FAN1: variants seen among roughly 807,000 people sequenced by gnomAD.
The protein encoded by FAN1 is FANCD2 and FANCI associated nuclease 1.
A neutral mutation model predicts 104.9 loss-of-function variants in FAN1; 91 were observed. The ratio of observed to expected loss-of-function variants is 0.87; its 90% confidence interval spans 0.73 to 1.03. FAN1 has a LOEUF of 1.03. Among genes scored for constraint, FAN1 ranks in the 50% least tolerant of loss-of-function variants. FAN1 has a pLI of 0.00. For synonymous variants in FAN1, 478 were observed against 457.6 expected (o/e 1.04, Z -0.57); for missense variants, 1,263 against 1,239.9 (o/e 1.02, Z -0.28).
intron 14 of FAN1, chr15:30,940,938 G>A (rs1235099754): frequency 1.0e-5 from 11 of 1,083,434 alleles, no homozygotes; most frequent in African/African-American, 5.1e-5. Context: ...AGTGATCTAA[G>A]GTTCCAAAGA....
rs772709679 is a variant in FAN1, at chr15:30,941,733, C to G, written c.*171C>G. 2.5e-6 allele frequency: 4 copies of G among 1,613,950 alleles called. No individual in the cohort carries two copies. Among genetic ancestry groups the G allele is most frequent in the South Asian group, 2.2e-5 (2 of 91,070 alleles). ...TGTTGCCGCAGCATCCTGCTCAGTACGTCGACTTCATCAGCCAGGAGGGAG... is the reference window on the plus strand; with the variant it reads ...TGTTGCCGCAGCATCCTGCTCAGTAGGTCGACTTCATCAGCCAGGAGGGAG... On this transcript the variant is annotated 3_prime_UTR_variant, in exon 15 of 15. Coordinates refer to ENST00000362065, the MANE Select transcript of FAN1 (RefSeq NM_014967.5).
chr15:30,940,155 T>C, intron 14 of FAN1: 1 of 985,450 alleles, frequency 1.0e-6, no homozygotes, highest in South Asian at 4.7e-5. Context: ...TTTGAAAGTA[T>C]CCATGTTTTA....
chr15:30,912,139 A>G (rs1438236488), intron 4 of FAN1, among the ~76,000 whole-genome samples: 2 of 152,148 alleles, frequency 1.3e-5, no homozygotes, highest in Admixed American at 6.5e-5. Context: ...TAAGATGAAC[A>G]TATTTTATCT....
intron 4 of FAN1, chr15:30,911,208 G>T: frequency 1.0e-6 from 1 of 1,000,304 alleles, no homozygotes; most frequent in Non-Finnish European, 1.2e-6. Flanking sequence ...GTTTTCCTGA[G>T]TTTAAACGTA....
Position 30,922,241 on chromosome 15 carries a change from G to A in FAN1, c.2059G>A (p.Val687Ile), listed in dbSNP as rs771137282. 196 of 1,605,426 alleles carry A rather than the reference G, an allele frequency of 1.2e-4. No homozygotes were observed. The highest frequency in any genetic ancestry group is 3.3e-4 in the Middle Eastern group (2 of 6,028). Reference sequence around the variant, plus strand: ...TTTGTTATTGTTGCAATAGGAAGCCGTCAGAGAACTTGAAAGCCTTTTGTC... The same window carrying A: ...TTTGTTATTGTTGCAATAGGAAGCCATCAGAGAACTTGAAAGCCTTTTGTC... The part of the protein sequence containing the change: ...LQRLHMYEEA[V>I]RELESLLSQR... Residue 687 changes from valine to isoleucine, a missense_variant, in exon 8 of 15, where the codon GTC (valine) becomes ATC (isoleucine). Physicochemically the swap from Val to Ile is conservative, Grantham distance 29. Coordinates refer to ENST00000362065, the MANE Select transcript of FAN1 (RefSeq NM_014967.5).
chr15:30,926,244 A>G (rs979090680), intron 10 of FAN1, among the ~76,000 whole-genome samples: 1 of 152,198 alleles, frequency 6.6e-6, no homozygotes, highest in Non-Finnish European at 1.5e-5. Flanking sequence ...CCCCACGGAC[A>G]CCCACTTCCA....
chr15:30,910,882 A>T lies in FAN1; in HGVS notation c.1577+67A>T, dbSNP rs1334660530. ...GATAGCACATATTAACTTACAGTAG[A>T]TTGTATACTTGATTGAACTGTAATT... On this transcript the variant is annotated intron_variant, in intron 4 of 14. Transcript: ENST00000362065. 2.0e-6 allele frequency: 3 copies of T among 1,526,782 alleles called. No individual in the cohort carries two copies. The African/African-American group carries it at 4.1e-5, about 21-fold the overall frequency. 94.6% of individuals were successfully genotyped at this position (1,526,782 alleles called of 1,614,324 possible).
intron 8 of FAN1, among the ~76,000 whole-genome samples, chr15:30,924,320 C>T (rs907458445): frequency 2.0e-5 from 3 of 152,150 alleles, no homozygotes; most frequent in Non-Finnish European, 4.4e-5. Context: ...CTGTTTCAGT[C>T]CCTGGTTTCA....
chr15:30,925,789 G>A lies in FAN1; in HGVS notation c.2338G>A (p.Val780Met), dbSNP rs1225430195. 6 of 1,613,982 alleles carry A rather than the reference G, an allele frequency of 3.7e-6. No individual in the cohort carries two copies. Among genetic ancestry groups the A allele is most frequent in the African/African-American group, 2.7e-5 (2 of 74,952 alleles). Reference sequence around the variant, plus strand: ...AGATGTTATTCTGCTGCTGTTTCAGGTGACCATCACAGGCAGGCTGTGCCC... The same window carrying A: ...AGATGTTATTCTGCTGCTGTTTCAGATGACCATCACAGGCAGGCTGTGCCC... The part of the protein sequence containing the change: ...PEMAVQDVKH[V>M]TITGRLCPQR... Residue 780 changes from valine (V) to methionine (M), a missense_variant and splice_region_variant, in exon 10 of 15, where the codon GTG becomes ATG. Coordinates refer to ENST00000362065, the MANE Select transcript of FAN1 (RefSeq NM_014967.5).
intron 13 of FAN1, among the ~76,000 whole-genome samples, chr15:30,932,493 T>G (rs576580550): frequency 1.0e-3 from 154 of 152,244 alleles, no homozygotes; most frequent in Non-Finnish European, 1.8e-3. Flanking sequence ...GAATTAGTAT[T>G]ATTCCCTAAA....
intron 14 of FAN1, chr15:30,939,134 T>C (rs1015879534): frequency 1.5e-5 from 15 of 985,424 alleles, no homozygotes; most frequent in Non-Finnish European, 1.7e-5. Context: ...CAGATTTTGT[T>C]GACAAATGTG....
rs1220684357 is a variant in FAN1 at position 30,910,658 on chromosome 15, G to T, written c.1420G>T (p.Ala474Ser). 6.2e-7 allele frequency: 1 copy of T among 1,613,400 alleles called. No homozygotes were observed. Among genetic ancestry groups the T allele is most frequent in the Admixed American group, 1.7e-5 (1 of 59,940 alleles). The change falls in exon 4 of 15, where the codon GCT (alanine) becomes TCT (serine). Residue 474 changes from alanine to serine, a missense_variant. By Grantham distance (99) the Ala-to-Ser change is moderately conservative. Coordinates refer to ENST00000362065, the MANE Select transcript of FAN1 (RefSeq NM_014967.5). The stretch of plus-strand genomic sequence containing the variant: ...CTCTGAAGTGCTTGAACTCCTTTCT[G>T]CTCCTGAACTAAAATCCCTAGCCAA... ...ELSEVLELLSAPELKSLAKTF... is the reference protein window; with the variant it reads ...ELSEVLELLSSPELKSLAKTF...
rs201558469 is a variant in FAN1 at position 30,918,188 on chromosome 15, G to T, written c.1836G>T (p.Leu612=). ...LIRYAAATHM[L]SDISSAMANG... is the part of the protein sequence containing the mutation. ...GATATGCAGCAGCCACGCACATGCT[G>T]AGTGACATTTCTTCCGCAATGGCCA... The change falls in exon 6 of 15, where the codon CTG becomes CTT. Residue 612 remains leucine, a synonymous_variant. Transcript: ENST00000362065. 56 of 1,614,034 alleles carry T rather than the reference G, an allele frequency of 3.5e-5. No individual in the cohort carries two copies. The East Asian group carries it at 1.2e-3, about 35-fold the overall frequency.
rs772700881 is a variant in FAN1 at position 30,905,220 on chromosome 15, CCA to C, written c.560_561del (p.Thr187SerfsTer3). The C allele has an allele frequency of 4.4e-5, 71 of 1,613,730 alleles. No homozygotes were observed. The highest frequency in any genetic ancestry group is 5.7e-5 in the Non-Finnish European group (67 of 1,179,928). ...GGTTCTAGTCCACAGAGTTCCAAAT[CCA>C]CAGTTGTTAAGAGCCTGATTGATAA... On this transcript the variant is annotated frameshift_variant, in exon 2 of 15. Transcript: ENST00000362065. LOFTEE classifies it high-confidence loss of function.
Position 30,928,663 on chromosome 15 carries a change from C to T in FAN1, c.2592+7C>T, listed in dbSNP as rs1193456416. 8 of 1,613,838 alleles carry T rather than the reference C, an allele frequency of 5.0e-6. No individual in the cohort carries two copies. Among genetic ancestry groups the T allele is most frequent in the Non-Finnish European group, 6.8e-6 (8 of 1,179,838 alleles). On this transcript the variant is annotated splice_region_variant and intron_variant, in intron 11 of 14. Transcript: ENST00000362065. Reference sequence around the variant, plus strand: ...CTTCAGAAACGCCTGTCAGGTACTCCAGTGCCCCTGCCCCACGAGTAGGTC... The same window carrying T: ...CTTCAGAAACGCCTGTCAGGTACTCTAGTGCCCCTGCCCCACGAGTAGGTC...
chr15:30,929,314 G>A lies in FAN1; in HGVS notation c.2704G>A (p.Val902Met). The A allele has an allele frequency of 6.2e-7, 1 of 1,612,568 alleles. No individual in the cohort carries two copies. Among genetic ancestry groups the A allele is most frequent in the South Asian group, 1.1e-5 (1 of 90,808 alleles). The change falls in exon 12 of 15, where the codon GTG becomes ATG. Residue 902 changes from valine to methionine, a missense_variant. Coordinates refer to ENST00000362065, the MANE Select transcript of FAN1 (RefSeq NM_014967.5). Reference sequence around the variant, plus strand: ...CCCCGAGGAGAGCCTGCGGGCCTGGGTGGCAGCCACGTGGCATGAGCAGGA... The same window carrying A: ...CCCCGAGGAGAGCCTGCGGGCCTGGATGGCAGCCACGTGGCATGAGCAGGA... ...DAPEESLRAWVAATWHEQEGR... is the reference protein window; with the variant it reads ...DAPEESLRAWMAATWHEQEGR...
chr15:30,917,825 A>G (rs2062226165), intron 5 of FAN1, among the ~76,000 whole-genome samples: 1 of 152,242 alleles, frequency 6.6e-6, no homozygotes, highest in Non-Finnish European at 1.5e-5. Context: ...TGTCACTTAC[A>G]TGTTTGCTGT....
rs149661264 is a variant in FAN1, at chr15:30,908,073, A to T, written c.1235-45A>T. The stretch of plus-strand genomic sequence containing the variant: ...TACATTTATTCACCTTAGGTTTAAA[A>T]GGTAAATGCAGTGATTTTCAACATT... On this transcript the variant is annotated intron_variant, in intron 2 of 14. Coordinates refer to ENST00000362065, the MANE Select transcript of FAN1 (RefSeq NM_014967.5). 1,303 of 1,532,988 alleles carry T rather than the reference A, an allele frequency of 8.5e-4. 11 individuals are homozygous for T. In the African/African-American group the frequency reaches 0.016, roughly 19 times the overall value. 95.0% of individuals were successfully genotyped at this position (1,532,988 alleles called of 1,614,324 possible).
In FAN1 at chr15:30,920,673, C is replaced by T. The variant is rs753269805; in HGVS notation, c.2052+20C>T. 4.3e-6 allele frequency: 6 copies of T among 1,406,366 alleles called. No individual in the cohort carries two copies. In the African/African-American group the frequency reaches 5.7e-5, roughly 13 times the overall value. 87.1% of individuals were successfully genotyped at this position (1,406,366 alleles called of 1,614,324 possible). ...TATGAGGTTAGAGCACAGGTCCCTG[C>T]CCCCCACCATTACTGATGTGATGGC... On this transcript the variant is annotated intron_variant, in intron 7 of 14. Coordinates refer to ENST00000362065, the MANE Select transcript of FAN1 (RefSeq NM_014967.5).
Sources: allele counts gnomAD v4.1 joint callset (sites outside exome capture counted in the v4.1 genomes callset), GRCh38; gene constraint gnomAD v4.1.1; transcripts MANE v1.5; gene names NCBI Gene and HGNC (gene_info 2026-07-23, HGNC 2026-07-21).